Variants in C10orf90 observed in about 807,000 individuals in gnomAD.
C10orf90 encodes chromosome 10 open reading frame 90, also known as (E2-independent) E3 ubiquitin-conjugating enzyme FATS.
In C10orf90, 56 loss-of-function variants were observed where a neutral mutation model predicts 62.5. That is an observed-to-expected ratio of 0.90 (90% confidence interval 0.72 to 1.12). The LOEUF (loss-of-function observed/expected upper bound fraction) is 1.12, where lower values mean the gene tolerates loss of function less well. Ranked by LOEUF, C10orf90 falls within the 50% of genes most tolerant of loss-of-function variation. C10orf90 has a pLI of 0.00. For synonymous variants in C10orf90, 386 were observed against 340.4 expected, an observed-to-expected ratio of 1.13 and a Z score of -1.47; for missense variants, 970 against 880.4, an observed-to-expected ratio of 1.10 and a Z score of -1.29.
At chr10:126,428,263 G>T (rs1419057280) in intron 8 of C10orf90, among the ~76,000 whole-genome samples, 1 of 152,158 alleles carries the variant, frequency 6.6e-6, no homozygotes, top group African/African-American at 2.4e-5. Context: ...TATCACTGTG[G>T]GTGTCTGGGG....
chr10:126,615,028 G>A lies in C10orf90; in HGVS notation c.313+31537C>T, dbSNP rs575510735. Among the ~76,000 whole-genome samples the A allele has an allele frequency of 2.0e-5, 3 of 152,238 alleles. No homozygotes were observed. In the East Asian group the frequency reaches 5.8e-4, roughly 29 times the overall value. ...TGACTGAGGCTAGATGGTTCCAGGT[G>A]GCCTTGCTTCCATGCCTGGGTCCTC... On this transcript the variant is annotated intron_variant, in intron 2 of 9. Transcript: ENST00000488181.
chr10:126,477,115 T>G (rs1860928995), intron 4 of C10orf90, among the ~76,000 whole-genome samples: 4 of 84,224 alleles, frequency 4.7e-5, no homozygotes, highest in Admixed American at 1.3e-4. Flanking sequence ...TTTTTTTTTT[T>G]TTTGGATTTT....
chr10:126,554,292 T>C (rs1163858983), intron 2 of C10orf90, among the ~76,000 whole-genome samples: 1 of 152,076 alleles, frequency 6.6e-6, no homozygotes, highest in Non-Finnish European at 1.5e-5. Flanking sequence ...TACATGACCA[T>C]TTCCATCAAG....
intron 2 of C10orf90, among the ~76,000 whole-genome samples, chr10:126,530,205 T>C (rs753831328): frequency 6.6e-6 from 1 of 152,150 alleles, no homozygotes; most frequent in Non-Finnish European, 1.5e-5. Context: ...AAACTATACG[T>C]ATGCACATTA....
chr10:126,429,704 G>T (rs1857461164), intron 8 of C10orf90, 83 bp downstream of exon 8: 2 of 1,078,362 alleles, frequency 1.9e-6, no homozygotes, highest in Non-Finnish European at 2.8e-6. Context: ...AGAAGCAGTG[G>T]TCCCATTGGA....
At chr10:126,584,941 C>T (rs947948284) in intron 2 of C10orf90, among the ~76,000 whole-genome samples, 1 of 151,954 alleles carries the variant, frequency 6.6e-6, no homozygotes, top group Non-Finnish European at 1.5e-5. Context: ...CATACACATG[C>T]ACTACCCCCA....
In C10orf90 at chr10:126,614,239, A is replaced by G. The variant is rs116017963; in HGVS notation, c.313+32326T>C. 4.6e-3 allele frequency among the ~76,000 whole-genome samples: 694 copies of G among 152,318 alleles called. 7 individuals are homozygous for G. Among genetic ancestry groups the G allele is most frequent in the African/African-American group, 0.016 (674 of 41,570 alleles). ...CCCCTGCCCACTTTCCCAAGGAAGTAAAGTCTTATCCTCACTTTACAGAGA... is the reference window on the plus strand; with the variant it reads ...CCCCTGCCCACTTTCCCAAGGAAGTGAAGTCTTATCCTCACTTTACAGAGA... On this transcript the variant is annotated intron_variant, in intron 2 of 9. Transcript: ENST00000488181.
At chr10:126,535,539 T>C (rs1397032381) in intron 2 of C10orf90, among the ~76,000 whole-genome samples, 1 of 151,758 alleles carries the variant, frequency 6.6e-6, no homozygotes, top group African/African-American at 2.4e-5. Context: ...AAAAATTGTC[T>C]TCTGTCCGAC....
intron 2 of C10orf90, among the ~76,000 whole-genome samples, chr10:126,577,216 C>T (rs1380593651): frequency 1.3e-5 from 2 of 151,770 alleles, no homozygotes; most frequent in Non-Finnish European, 2.9e-5. Flanking sequence ...GCTGTGATTC[C>T]TATGCATTGT....
intron 1 of C10orf90, among the ~76,000 whole-genome samples, chr10:126,665,711 T>C (rs1024076311): frequency 1.3e-5 from 2 of 152,088 alleles, no homozygotes; most frequent in African/African-American, 4.8e-5. Context: ...GGAGGCAGTG[T>C]CCAGGCTGCA....
chr10:126,643,079 TC>T (rs1846097553), intron 2 of C10orf90, among the ~76,000 whole-genome samples: 1 of 152,252 alleles, frequency 6.6e-6, no homozygotes, highest in Non-Finnish European at 1.5e-5. Flanking sequence ...AGAGTTGTCT[TC>T]CTAGCACTTG....
chr10:126,658,582 T>G (rs1846443104), intron 1 of C10orf90, among the ~76,000 whole-genome samples: 1 of 152,248 alleles, frequency 6.6e-6, no homozygotes, highest in South Asian at 2.1e-4. Context: ...CATTGCACAA[T>G]GTAAAGCTGA....
Position 126,670,445 on chromosome 10 carries a change from C to T in C10orf90, c.36G>A (p.Pro12=), listed in dbSNP as rs1055336636. ...CTGTGTAGCGGGCAGCATACCCCTGCGGATGAGTTTTTGTAGGAATTCCAG... is the reference window on the plus strand; with the variant it reads ...CTGTGTAGCGGGCAGCATACCCCTGTGGATGAGTTTTTGTAGGAATTCCAG... ...QHSGIPTKTH[P]QGYAARYTET... The change falls in exon 1 of 10, where the codon CCG becomes CCA. Residue 12 remains proline, a synonymous_variant. Transcript: ENST00000488181. The T allele has an allele frequency of 6.6e-6, 3 of 456,538 alleles. No individual in the cohort carries two copies. The highest frequency in any genetic ancestry group is 4.0e-5 in the African/African-American group (2 of 50,062). The allele number at this position is 456,538 out of a possible 1,614,324, so 28.3% of individuals were successfully genotyped here. A position where few individuals can be genotyped will look rare whatever the true frequency, so the allele number is the denominator to read the frequency against.
intron 2 of C10orf90, among the ~76,000 whole-genome samples, chr10:126,611,669 G>C (rs553779694): frequency 6.6e-6 from 1 of 152,110 alleles, no homozygotes; most frequent in Non-Finnish European, 1.5e-5. Flanking sequence ...ATTAAATTTT[G>C]GTTCCACACT....
intron 2 of C10orf90, among the ~76,000 whole-genome samples, chr10:126,534,970 T>G (rs1456572343): frequency 6.6e-6 from 1 of 152,158 alleles, no homozygotes; most frequent in Non-Finnish European, 1.5e-5. Flanking sequence ...AGCTGAGACC[T>G]AGGTGGTTTG....
At chr10:126,539,251 G>A (rs561166865) in intron 2 of C10orf90, among the ~76,000 whole-genome samples, 1 of 152,330 alleles carries the variant, frequency 6.6e-6, no homozygotes, top group East Asian at 1.9e-4. Flanking sequence ...AATCGGCTGT[G>A]AGTGGAATCC....
At chr10:126,643,672 C>T (rs1488014058) in intron 2 of C10orf90, among the ~76,000 whole-genome samples, 1 of 152,194 alleles carries the variant, frequency 6.6e-6, no homozygotes, top group Admixed American at 6.5e-5. Context: ...CCCAGTGCCT[C>T]ATCTTCCCAT....
intron 4 of C10orf90, among the ~76,000 whole-genome samples, chr10:126,480,844 T>C (rs916707089): frequency 6.6e-6 from 1 of 152,174 alleles, no homozygotes; most frequent in African/African-American, 2.4e-5. Context: ...TTTGTTGACT[T>C]TCCTGCTTCA....
chr10:126,488,739 T>C (rs1861564661), intron 4 of C10orf90, among the ~76,000 whole-genome samples: 1 of 152,114 alleles, frequency 6.6e-6, no homozygotes, highest in Non-Finnish European at 1.5e-5. Flanking sequence ...TAAATAACTT[T>C]GATAAAATGG....
Sources: gnomAD v4.1 joint callset for allele counts (sites outside exome capture counted in the v4.1 genomes callset) on GRCh38, gnomAD v4.1.1 for gene constraint, MANE v1.5 for transcripts, NCBI Gene and HGNC (gene_info 2026-07-23, HGNC 2026-07-21) for gene names.